BMPR1B: variants seen among roughly 807,000 people sequenced by gnomAD.
BMPR1B encodes the protein bone morphogenetic protein receptor type-1B.
In BMPR1B, 12 loss-of-function variants were observed where a neutral mutation model predicts 59.1. The ratio of observed to expected loss-of-function variants is 0.20; its 90% confidence interval spans 0.13 to 0.33. The LOEUF is 0.33. Among genes scored for constraint, BMPR1B ranks in the 10% least tolerant of loss-of-function variants. The probability of loss-of-function intolerance (pLI) is 1.00; values close to 1 mark genes in which losing one functional copy is unlikely to be tolerated. For missense variants in BMPR1B, 550 were observed against 610.9 expected, an observed-to-expected ratio of 0.90 and a Z score of 1.05; for synonymous variants, 237 against 207.3, an observed-to-expected ratio of 1.14 and a Z score of -1.23.
chr4:95,141,461 A>G (rs1734224570), intron 10 of BMPR1B, among the ~76,000 whole-genome samples: 1 of 152,170 alleles, frequency 6.6e-6, no homozygotes, highest in African/African-American at 2.4e-5. Flanking sequence ...GTCGAGAGCC[A>G]CAGAGAGGGA....
At chr4:95,053,579 T>G (rs1325233723) in intron 3 of BMPR1B, among the ~76,000 whole-genome samples, 2 of 152,214 alleles carry the variant, frequency 1.3e-5, no homozygotes, top group South Asian at 2.1e-4. Context: ...TAATATTACC[T>G]GAAAGTTTGC....
At chr4:94,774,664 C>G (rs903428623) in intron 1 of BMPR1B, among the ~76,000 whole-genome samples, 4 of 151,866 alleles carry the variant, frequency 2.6e-5, no homozygotes, top group South Asian at 2.1e-4. Flanking sequence ...TGACTCAGTC[C>G]CTCCCTTTCT....
At chr4:95,025,381 T>TG (rs1399145829) in intron 3 of BMPR1B, among the ~76,000 whole-genome samples, 1 of 152,136 alleles carries the variant, frequency 6.6e-6, no homozygotes, top group African/African-American at 2.4e-5. Context: ...ACTGTGTCCA[T>TG]GGCAGGACAC....
At position 94,761,667 on chromosome 4, in the gene BMPR1B, C is replaced by T. The variant is rs142040934; in HGVS notation, c.-183+3599C>T. 1.1e-4 allele frequency among the ~76,000 whole-genome samples: 16 copies of T among 152,250 alleles called. No individual in the cohort carries two copies. The East Asian group carries it at 2.9e-3, about 28-fold the overall frequency. ...GAAGACCACTTTACTTGTTGTCCTC[C>T]AGTCCCTCTTCCAGTTCTTGAATTT... On this transcript the variant is annotated intron_variant, in intron 1 of 12. Transcript: ENST00000515059.
At chr4:95,015,243 A>G (rs1723505014) in intron 3 of BMPR1B, among the ~76,000 whole-genome samples, 1 of 152,154 alleles carries the variant, frequency 6.6e-6, no homozygotes, top group Non-Finnish European at 1.5e-5. Flanking sequence ...TAACTGAAAA[A>G]TGTTCTTGAC....
intron 1 of BMPR1B, among the ~76,000 whole-genome samples, chr4:94,841,377 A>C (rs1418554490): frequency 6.7e-6 from 1 of 150,330 alleles, no homozygotes; most frequent in East Asian, 1.9e-4. Context: ...GCCGCCTTGC[A>C]GTTTGATCTC....
chr4:95,124,342 C>T (rs928620750), intron 7 of BMPR1B, among the ~76,000 whole-genome samples: 8 of 151,570 alleles, frequency 5.3e-5, no homozygotes, highest in African/African-American at 1.7e-4. Flanking sequence ...ATATTAAATT[C>T]GGTAATTCCT....
intron 3 of BMPR1B, among the ~76,000 whole-genome samples, chr4:95,066,748 A>G (rs927700957): frequency 1.1e-4 from 17 of 152,268 alleles, no homozygotes; most frequent in Middle Eastern, 3.4e-3. Flanking sequence ...ACTAAAATCC[A>G]CTGAATCAAA....
rs1428559515 is a variant in BMPR1B at position 94,933,088 on chromosome 4, A to G, written c.-113+57188A>G. On this transcript the variant is annotated intron_variant, in intron 2 of 12. Transcript: ENST00000515059. ...TTCTTTGAGTGTGCATATTATATAT[A>G]AAAGATGTATATATAATGCTTTTTA... Among the ~76,000 whole-genome samples, 3 of 152,244 alleles carry G rather than the reference A, an allele frequency of 2.0e-5. No individual in the cohort carries two copies. The East Asian group carries it at 5.8e-4, about 29-fold the overall frequency.
intron 1 of BMPR1B, among the ~76,000 whole-genome samples, chr4:94,786,987 C>T (rs995859217): frequency 3.3e-5 from 5 of 152,150 alleles, no homozygotes; most frequent in African/African-American, 9.7e-5. Flanking sequence ...CTGCATCTGG[C>T]CGTAAACGTA....
intron 2 of BMPR1B, among the ~76,000 whole-genome samples, chr4:94,915,949 C>T (rs1728467261): frequency 6.6e-6 from 1 of 152,082 alleles, no homozygotes; most frequent in Non-Finnish European, 1.5e-5. Flanking sequence ...TGTGTGGCAC[C>T]TCCTTTCTCA....
intron 1 of BMPR1B, among the ~76,000 whole-genome samples, chr4:94,860,849 C>G (rs982091622): frequency 4.0e-5 from 6 of 149,980 alleles, no homozygotes; most frequent in Non-Finnish European, 5.9e-5. Context: ...ATATGTCTTT[C>G]TCTTTCACGA....
intron 2 of BMPR1B, among the ~76,000 whole-genome samples, chr4:94,902,086 T>TGTGTGG (rs1411154828): frequency 9.8e-5 from 11 of 111,912 alleles, no homozygotes; most frequent in Non-Finnish European, 2.1e-4. Flanking sequence ...TGTGTGTGTG[T>TGTGTGG]GGGGTGTATT....
At chr4:94,910,457 A>G (rs953321332) in intron 2 of BMPR1B, among the ~76,000 whole-genome samples, 3 of 152,104 alleles carry the variant, frequency 2.0e-5, no homozygotes, top group African/African-American at 7.2e-5. Flanking sequence ...CTTTCCTGCT[A>G]TTAGAGAGCA....
intron 2 of BMPR1B, among the ~76,000 whole-genome samples, chr4:94,922,370 C>G (rs1728724234): frequency 6.6e-6 from 1 of 152,014 alleles, no homozygotes; most frequent in African/African-American, 2.4e-5. Flanking sequence ...GCCTATATGT[C>G]ATTCTCATTC....
intron 1 of BMPR1B, among the ~76,000 whole-genome samples, chr4:94,863,899 C>T (rs1436293363): frequency 1.3e-5 from 2 of 152,166 alleles, no homozygotes; most frequent in African/African-American, 4.8e-5. Context: ...TTATACTTGC[C>T]TGTTGGAAGT....
chr4:95,127,254 A>G (rs1377729385), intron 8 of BMPR1B, among the ~76,000 whole-genome samples: 1 of 152,200 alleles, frequency 6.6e-6, no homozygotes, highest in Admixed American at 6.5e-5. Context: ...AGAATGTAAT[A>G]TAGAATTAAA....
At chr4:94,832,111 A>G (rs541214127) in intron 1 of BMPR1B, among the ~76,000 whole-genome samples, 2 of 149,476 alleles carry the variant, frequency 1.3e-5, no homozygotes, top group Non-Finnish European at 3.0e-5. Context: ...ATCATCCCCA[A>G]ACCATCCCCC....
At chr4:94,857,726 A>G (rs73836128) in intron 1 of BMPR1B, among the ~76,000 whole-genome samples, 4,795 of 152,280 alleles carry the variant, frequency 0.031, 164 homozygotes, top group African/African-American at 0.079. Flanking sequence ...TTAGCTCATT[A>G]TAGGCTCTGA....
Sources: allele counts gnomAD v4.1 joint callset (sites outside exome capture counted in the v4.1 genomes callset), GRCh38; gene constraint gnomAD v4.1.1; transcripts MANE v1.5; gene names NCBI Gene and HGNC (gene_info 2026-07-23, HGNC 2026-07-21).